The following ANO10 variants were observed in gnomAD, a reference collection of about 807,000 sequenced individuals.
ANO10 encodes anoctamin-10.
ANO10 carries 77 observed loss-of-function variants against 74.7 expected under a neutral mutation model. The observed-to-expected ratio is 1.03, with a 90% CI of 0.86 to 1.25. ANO10 has a LOEUF of 1.25. Among genes scored for constraint, ANO10 ranks in the 50% most tolerant of loss-of-function variants. The pLI is 0.00. For synonymous variants in ANO10, 279 were observed against 284.9 expected (o/e 0.98, Z 0.21); for missense variants, 721 against 778.1 (o/e 0.93, Z 0.87).
chr3:43,612,223 G>A (rs1267573538), intron 1 of ANO10, among the ~76,000 whole-genome samples: 1 of 134,552 alleles, frequency 7.4e-6, no homozygotes, highest in African/African-American at 2.8e-5. Flanking sequence ...CCTTCTTTCT[G>A]TATTATTTCT....
intron 11 of ANO10, among the ~76,000 whole-genome samples, chr3:43,469,743 A>G (rs1399760896): frequency 6.6e-6 from 1 of 152,170 alleles, no homozygotes; most frequent in African/African-American, 2.4e-5. Context: ...TCTTCTTCTA[A>G]TGACTAGAGT....
intron 12 of ANO10, among the ~76,000 whole-genome samples, chr3:43,422,231 C>T (rs1405892898): frequency 1.3e-5 from 2 of 152,140 alleles, no homozygotes; most frequent in African/African-American, 2.4e-5. Context: ...ACTCTCCTGC[C>T]TCAGCCTCCT....
At chr3:43,676,551 G>A (rs2084124747) in intron 1 of ANO10, among the ~76,000 whole-genome samples, 1 of 152,198 alleles carries the variant, frequency 6.6e-6, no homozygotes, top group African/African-American at 2.4e-5. Context: ...TAGATTAGTT[G>A]TTGGGTTGTA....
intron 2 of ANO10, among the ~76,000 whole-genome samples, chr3:43,602,927 T>G (rs183873089): frequency 2.6e-4 from 39 of 152,352 alleles, no homozygotes; most frequent in Non-Finnish European, 4.4e-4. Context: ...TTTTTCAGTT[T>G]TAAGCATTGA....
chr3:43,687,687 G>A (rs1378072746), intron 1 of ANO10, among the ~76,000 whole-genome samples: 2 of 152,204 alleles, frequency 1.3e-5, no homozygotes, highest in Non-Finnish European at 2.9e-5. Flanking sequence ...CCAGGTAATT[G>A]GTTAGTAGGT....
chr3:43,504,300 GTAGATAGA>G (rs550211978), intron 11 of ANO10, among the ~76,000 whole-genome samples: 1,532 of 139,794 alleles, frequency 0.011, 7 homozygotes, highest in South Asian at 0.015. Context: ...AGGTAGGTAG[GTAGATAGA>G]TAGATAGATA....
intron 11 of ANO10, among the ~76,000 whole-genome samples, chr3:43,491,671 C>T (rs2076729865): frequency 6.6e-6 from 1 of 152,120 alleles, no homozygotes; most frequent in African/African-American, 2.4e-5. Flanking sequence ...CTAAAACTTG[C>T]CTCGGTCTCT....
intron 11 of ANO10, among the ~76,000 whole-genome samples, chr3:43,456,095 T>C (rs1261379186): frequency 2.6e-5 from 4 of 152,154 alleles, no homozygotes; most frequent in African/African-American, 9.7e-5. Context: ...CTCAAATAAC[T>C]TGGGCTGGCT....
At chr3:43,509,595 G>A (rs907086853) in intron 11 of ANO10, among the ~76,000 whole-genome samples, 6 of 152,302 alleles carry the variant, frequency 3.9e-5, no homozygotes, top group Admixed American at 3.3e-4. Flanking sequence ...CACATTGCTG[G>A]TGGGAATATA....
At chr3:43,633,882 T>A (rs2083576501) in intron 1 of ANO10, among the ~76,000 whole-genome samples, 1 of 151,738 alleles carries the variant, frequency 6.6e-6, no homozygotes, top group Admixed American at 6.6e-5. Flanking sequence ...ATCAATAAAT[T>A]TGCATCGTAG....
intron 11 of ANO10, among the ~76,000 whole-genome samples, chr3:43,446,716 C>T (rs770902359): frequency 1.3e-5 from 2 of 151,826 alleles, no homozygotes; most frequent in African/African-American, 4.8e-5. Context: ...CTTGCCATAC[C>T]GAAAACACTC....
chr3:43,441,179 T>A, intron 11 of ANO10, among the ~76,000 whole-genome samples: 1 of 145,716 alleles, frequency 6.9e-6, no homozygotes. Flanking sequence ...AAGGAAATAA[T>A]AAAGATGAGA....
At chr3:43,669,693 C>T (rs991891717) in intron 1 of ANO10, among the ~76,000 whole-genome samples, 18 of 151,842 alleles carry the variant, frequency 1.2e-4, no homozygotes, top group Non-Finnish European at 2.2e-4. Flanking sequence ...TATTTTGGAC[C>T]GGAAACCAGA....
At chr3:43,569,413 T>G (rs2080569514) in intron 7 of ANO10, among the ~76,000 whole-genome samples, 9 of 137,334 alleles carry the variant, frequency 6.6e-5, no homozygotes, top group African/African-American at 2.3e-4. Context: ...ATATCCTTGA[T>G]GAACATTGAT....
At chr3:43,670,322 T>TC (rs2084043300) in intron 1 of ANO10, among the ~76,000 whole-genome samples, 1 of 84,284 alleles carries the variant, frequency 1.2e-5, no homozygotes, top group African/African-American at 4.6e-5. Context: ...CAAGACCCTT[T>TC]CTTAAATAAA....
At chr3:43,465,839 G>C (rs1395991375) in intron 11 of ANO10, among the ~76,000 whole-genome samples, 1 of 152,114 alleles carries the variant, frequency 6.6e-6, no homozygotes, top group Non-Finnish European at 1.5e-5. Flanking sequence ...AAAAATTAAA[G>C]AGGACCTAAA....
intron 1 of ANO10, among the ~76,000 whole-genome samples, chr3:43,609,311 G>A (rs1009149192): frequency 1.3e-5 from 2 of 152,140 alleles, no homozygotes. Context: ...TGTTGAAGAT[G>A]AGCTAAACAG....
intron 11 of ANO10, among the ~76,000 whole-genome samples, chr3:43,446,605 A>G (rs1156902598): frequency 6.6e-6 from 1 of 152,242 alleles, no homozygotes; most frequent in Non-Finnish European, 1.5e-5. Flanking sequence ...TCAGAAAAGT[A>G]AGGAGAAATT....
At chr3:43,667,018 TG>T (rs2083999854) in intron 1 of ANO10, among the ~76,000 whole-genome samples, 1 of 151,928 alleles carries the variant, frequency 6.6e-6, no homozygotes, top group Non-Finnish European at 1.5e-5. Context: ...AGTTGGATCT[TG>T]TTTTTTGACC....
Sources: gnomAD v4.1 joint callset for allele counts (sites outside exome capture counted in the v4.1 genomes callset) on GRCh38, gnomAD v4.1.1 for gene constraint, MANE v1.5 for transcripts, NCBI Gene and HGNC (gene_info 2026-07-23, HGNC 2026-07-21) for gene names.